Variants in DGKE observed in about 807,000 individuals in gnomAD.
DGKE encodes DAG kinase epsilon.
In DGKE, 53 loss-of-function variants were observed where a neutral mutation model predicts 70.0. That is an observed-to-expected ratio of 0.76 (90% CI 0.61 to 0.95). The LOEUF (loss-of-function observed/expected upper bound fraction) is 0.95. DGKE is among the 40% of genes least tolerant of loss of function. The probability of loss-of-function intolerance (pLI) is 0.00; values close to 1 mark genes in which losing one functional copy is unlikely to be tolerated. For synonymous variants in DGKE, 291 were observed against 257.0 expected (o/e 1.13, Z -1.27); for missense variants, 655 against 706.9 (o/e 0.93, Z 0.83).
At chr17:56,856,679 C>G (rs2144275034) in intron 8 of DGKE, 54 bp downstream of exon 8, 1 of 1,541,190 alleles carries the variant, frequency 6.5e-7, no homozygotes, top group East Asian at 2.4e-5. Flanking sequence ...CAGTAAAAAT[C>G]AATAGTTCAA....
At chr17:56,846,420 T>A (rs1486488295) in intron 4 of DGKE, 1 of 151,850 alleles carries the variant, frequency 6.6e-6, no homozygotes, top group African/African-American at 2.4e-5. Flanking sequence ...AAATGGGGAG[T>A]GATTGCGAAT....
chr17:56,854,576 A>C (rs910748430), intron 7 of DGKE, among the ~76,000 whole-genome samples: 1 of 152,080 alleles, frequency 6.6e-6, no homozygotes, highest in Non-Finnish European at 1.5e-5. Flanking sequence ...CAGCCTCCCA[A>C]AGTGCTGGGA....
At chr17:56,848,654 T>C in intron 5 of DGKE, 42 bp from the exon 6 acceptor site, 1 of 1,593,984 alleles carries the variant, frequency 6.3e-7, no homozygotes, top group South Asian at 1.1e-5. Flanking sequence ...ACCCAGCAAA[T>C]AGTCTGAGAG....
chr17:56,852,332 G>A (rs1907700059), intron 7 of DGKE, among the ~76,000 whole-genome samples: 1 of 151,370 alleles, frequency 6.6e-6, no homozygotes, highest in South Asian at 2.1e-4. Flanking sequence ...AGAATTGCTT[G>A]AACCCGAGAG....
chr17:56,845,410 G>A (rs1907222641), intron 3 of DGKE, among the ~76,000 whole-genome samples: 1 of 152,140 alleles, frequency 6.6e-6, no homozygotes, highest in South Asian at 2.1e-4. Flanking sequence ...AGTGTAATGG[G>A]CTGCATTACT....
At chr17:56,862,532 T>G in intron 11 of DGKE, 80 bp from the exon 12 acceptor site, 4 of 1,231,686 alleles carry the variant, frequency 3.2e-6, no homozygotes, top group Non-Finnish European at 4.4e-6. Flanking sequence ...GGTTAAGGGA[T>G]TGTGGATGGT....
intron 7 of DGKE, among the ~76,000 whole-genome samples, chr17:56,852,405 T>A (rs1023851774): frequency 5.6e-5 from 6 of 107,712 alleles, no homozygotes; most frequent in Non-Finnish European, 1.0e-4. Context: ...AGAGCAAGAC[T>A]CTGTCTCAAA....
intron 2 of DGKE, among the ~76,000 whole-genome samples, chr17:56,841,934 A>G (rs747026323): frequency 2.6e-5 from 4 of 152,150 alleles, no homozygotes; most frequent in African/African-American, 7.2e-5. Flanking sequence ...AGCTGGGACT[A>G]CAGGCACACG....
chr17:56,861,863 G>T lies in DGKE; in HGVS notation c.1357G>T (p.Gly453Cys). The part of the protein sequence containing the change: ...GIIVLNIGYW[G>C]GGCRLWEGMG... ...TATAGTTCTGAACATCGGATACTGG[G>T]GCGGTGGCTGCAGACTATGGGAAGG... The change falls in exon 10 of 12, where the codon GGC (glycine) becomes TGC (cysteine). Residue 453 changes from glycine (G) to cysteine (C), a missense_variant. Transcript: ENST00000284061. 2 of 1,613,954 alleles carry T rather than the reference G, an allele frequency of 1.2e-6. No homozygotes were observed. The highest frequency in any genetic ancestry group is 1.7e-6 in the Non-Finnish European group (2 of 1,179,966).
intron 4 of DGKE, 152 bp from the exon 5 acceptor site, chr17:56,847,770 A>G (rs904789749): frequency 2.4e-6 from 1 of 411,450 alleles, no homozygotes; most frequent in African/African-American, 2.1e-5. Flanking sequence ...CAATGAATAT[A>G]AAGAGTCTGG....
At chr17:56,836,960 A>G (rs1352170327) in intron 2 of DGKE, among the ~76,000 whole-genome samples, 1 of 152,120 alleles carries the variant, frequency 6.6e-6, no homozygotes, top group Admixed American at 6.5e-5. Flanking sequence ...CCTTTCCTTC[A>G]GGAACTCTTA....
At chr17:56,837,018 A>G (rs1052635527) in intron 2 of DGKE, among the ~76,000 whole-genome samples, 34 of 152,052 alleles carry the variant, frequency 2.2e-4, no homozygotes, top group African/African-American at 7.5e-4. Flanking sequence ...CTTTTTGGTG[A>G]TAACGTAATA....
intron 2 of DGKE, among the ~76,000 whole-genome samples, chr17:56,839,029 G>A (rs902006085): frequency 5.3e-5 from 8 of 152,170 alleles, no homozygotes; most frequent in South Asian, 2.1e-4. Flanking sequence ...GTTAATGGTA[G>A]AATGTAGGTG....
At chr17:56,852,652 A>G (rs1369768258) in intron 7 of DGKE, among the ~76,000 whole-genome samples, 1 of 152,140 alleles carries the variant, frequency 6.6e-6, no homozygotes, top group East Asian at 1.9e-4. Context: ...GTATTGAGAG[A>G]TCCTTTAAAA....
At position 56,848,832 on chromosome 17, in the gene DGKE, C is replaced by G. The variant is rs752471158; in HGVS notation, c.1025C>G (p.Ala342Gly). The G allele has an allele frequency of 6.2e-7, 1 of 1,614,142 alleles. No homozygotes were observed. The highest frequency in any genetic ancestry group is 1.1e-5 in the South Asian group (1 of 91,086). Residue 342 changes from alanine to glycine, a missense_variant, in exon 6 of 12, where the codon GCA becomes GGA. Coordinates refer to ENST00000284061, the MANE Select transcript of DGKE (RefSeq NM_003647.3). ...VAQVLRNVME[A>G]DGIKLDRWKV... ...CAGGTTTTGCGAAATGTAATGGAAG[C>G]AGATGGAATTAAACTAGATCGGTAA... is the stretch of plus-strand genomic sequence containing the variant.
At chr17:56,854,583 G>A (rs1280659390) in intron 7 of DGKE, among the ~76,000 whole-genome samples, 1 of 152,012 alleles carries the variant, frequency 6.6e-6, no homozygotes, top group Non-Finnish European at 1.5e-5. Flanking sequence ...CCAAAGTGCT[G>A]GGATTACAAA....
chr17:56,853,339 A>G (rs1395020700), intron 7 of DGKE, among the ~76,000 whole-genome samples: 1 of 152,154 alleles, frequency 6.6e-6, no homozygotes, highest in African/African-American at 2.4e-5. Flanking sequence ...TATGCTTTTG[A>G]GATCATATCA....
At chr17:56,853,784 A>G (rs771991332) in intron 7 of DGKE, among the ~76,000 whole-genome samples, 16 of 152,208 alleles carry the variant, frequency 1.1e-4, no homozygotes, top group South Asian at 2.1e-4. Flanking sequence ...TAGAATTACC[A>G]TATGTTCCAG....
chr17:56,837,607 C>T (rs920627955), intron 2 of DGKE, among the ~76,000 whole-genome samples: 3 of 152,188 alleles, frequency 2.0e-5, no homozygotes, highest in Admixed American at 1.3e-4. Flanking sequence ...TACAGGATTA[C>T]AGTCTCCTGT....
Sources: gnomAD v4.1 joint callset for allele counts (sites outside exome capture counted in the v4.1 genomes callset) on GRCh38, gnomAD v4.1.1 for gene constraint, MANE v1.5 for transcripts, NCBI Gene and HGNC (gene_info 2026-07-23, HGNC 2026-07-21) for gene names.